Variants in RARB observed in about 807,000 individuals in gnomAD.
The protein encoded by RARB is HBV-activated protein.
RARB carries 17 observed loss-of-function variants against 51.9 expected under a neutral mutation model. The ratio of observed to expected loss-of-function variants is 0.33; its 90% CI spans 0.22 to 0.49. The LOEUF (loss-of-function observed/expected upper bound fraction) is 0.49, where lower values mean the gene tolerates loss of function less well. Ranked by LOEUF, RARB falls within the 20% of genes least tolerant of loss-of-function variation. The probability of loss-of-function intolerance (pLI) is 0.99; values close to 1 mark genes in which losing one functional copy is unlikely to be tolerated. For missense variants in RARB, 369 were observed against 550.8 expected (o/e 0.67, Z 3.30); for synonymous variants, 215 against 195.4 (o/e 1.10, Z -0.84).
At chr3:25,434,276 C>T (rs544387854) in intron 1 of RARB, among the ~76,000 whole-genome samples, 1 of 152,148 alleles carries the variant, frequency 6.6e-6, no homozygotes, top group African/African-American at 2.4e-5. Context: ...AAGCAGATTT[C>T]TTTGAAGAGA....
chr3:24,902,402 GT>G (rs111594275), intron 2 of RARB, among the ~76,000 whole-genome samples: 4 of 151,364 alleles, frequency 2.6e-5, no homozygotes, highest in Admixed American at 6.6e-5. Flanking sequence ...TTGACACCAG[GT>G]TTTTTTTTCC....
intron 2 of RARB, among the ~76,000 whole-genome samples, chr3:24,885,955 G>A (rs934536682): frequency 1.3e-5 from 2 of 152,038 alleles, no homozygotes; most frequent in African/African-American, 4.8e-5. Context: ...ATATTATACT[G>A]TACTTTATAG....
chr3:24,876,007 G>A (rs2885596), intron 2 of RARB, among the ~76,000 whole-genome samples: 137,066 of 152,186 alleles, frequency 0.9, 61,938 homozygotes, highest in East Asian at 1. Flanking sequence ...CTGTCCCTCC[G>A]TTTGGATCTA....
upstream of RARB, among the ~76,000 whole-genome samples, chr3:25,424,289 A>C (rs1234905794): frequency 6.6e-6 from 1 of 152,228 alleles, no homozygotes; most frequent in Non-Finnish European, 1.5e-5. Flanking sequence ...GAACATCAAC[A>C]GTCCTGTTAT....
At chr3:24,943,956 G>T (rs190975926) in intron 2 of RARB, among the ~76,000 whole-genome samples, 1 of 152,260 alleles carries the variant, frequency 6.6e-6, no homozygotes, top group Admixed American at 6.5e-5. Context: ...AAAGAAAAAT[G>T]GTTCCGATTC....
chr3:25,169,878 C>A (rs1700614439), intron 4 of RARB, among the ~76,000 whole-genome samples: 1 of 151,868 alleles, frequency 6.6e-6, no homozygotes, highest in Admixed American at 6.6e-5. Flanking sequence ...GTTCCAGCTA[C>A]TCTGGAGACT....
chr3:24,913,361 C>A (rs945474382), intron 2 of RARB, among the ~76,000 whole-genome samples: 13 of 147,810 alleles, frequency 8.8e-5, no homozygotes, highest in African/African-American at 2.7e-4. Flanking sequence ...AGACAACTTA[C>A]AAATGTATGA....
rs974071423 is a variant in RARB, at chr3:25,287,219, C to T, written c.178+112644C>T. Among the ~76,000 whole-genome samples the T allele has an allele frequency of 1.4e-4, 22 of 152,042 alleles. 1 individual carries two copies. Among genetic ancestry groups the T allele is most frequent in the Admixed American group, 1.3e-3 (20 of 15,278 alleles). ...TGGTGCTTGTCTTGAACTCTGGTGT[C>T]GCTCCCTTTCCAGCAGACACTACTG... On this transcript the variant is annotated intron_variant, in intron 5 of 11. Coordinates refer to the RARB transcript ENST00000383772.
intron 5 of RARB, among the ~76,000 whole-genome samples, chr3:25,228,734 C>T (rs1255047113): frequency 6.6e-6 from 1 of 152,000 alleles, no homozygotes; most frequent in Non-Finnish European, 1.5e-5. Context: ...TTTTTGTGTG[C>T]TAACCCTAGT....
intron 2 of RARB, among the ~76,000 whole-genome samples, chr3:25,026,889 A>G (rs1697760610): frequency 6.6e-6 from 1 of 152,272 alleles, no homozygotes; most frequent in African/African-American, 2.4e-5. Flanking sequence ...AAACAAAAAT[A>G]GTCTCAAGGG....
At chr3:25,232,630 G>T (rs1702205330) in intron 5 of RARB, among the ~76,000 whole-genome samples, 1 of 151,784 alleles carries the variant, frequency 6.6e-6, no homozygotes, top group Non-Finnish European at 1.5e-5. Flanking sequence ...ATTATAAATG[G>T]TACTTTTTAA....
chr3:25,429,784 C>T (rs1409011981), intron 1 of RARB, among the ~76,000 whole-genome samples: 1 of 152,236 alleles, frequency 6.6e-6, no homozygotes, highest in Non-Finnish European at 1.5e-5. Flanking sequence ...GAAAATCCCA[C>T]CTTCGGGTGG....
chr3:25,502,026 A>C (rs1697342448), intron 3 of RARB, among the ~76,000 whole-genome samples: 1 of 152,336 alleles, frequency 6.6e-6, no homozygotes, highest in East Asian at 1.9e-4. Flanking sequence ...GTAGGGAATA[A>C]GAAAGTATTA....
intron 5 of RARB, among the ~76,000 whole-genome samples, chr3:25,399,063 T>A (rs528525996): frequency 6.6e-6 from 1 of 152,298 alleles, no homozygotes; most frequent in South Asian, 2.1e-4. Flanking sequence ...CTTTTCACTC[T>A]ACCATCCTGG....
chr3:25,454,763 T>C (rs1694820805), intron 1 of RARB, among the ~76,000 whole-genome samples: 1 of 152,138 alleles, frequency 6.6e-6, no homozygotes, highest in African/African-American at 2.4e-5. Flanking sequence ...ATGCCAAGCA[T>C]GTAAGGAATT....
At chr3:24,944,835 G>A (rs1345551767) in intron 2 of RARB, among the ~76,000 whole-genome samples, 1 of 152,196 alleles carries the variant, frequency 6.6e-6, no homozygotes, top group Non-Finnish European at 1.5e-5. Context: ...TTACTTCAAT[G>A]ATAGAACATT....
intron 5 of RARB, among the ~76,000 whole-genome samples, chr3:25,215,771 T>A (rs987488072): frequency 1.3e-5 from 2 of 151,982 alleles, no homozygotes; most frequent in Non-Finnish European, 2.9e-5. Flanking sequence ...GTGGAAAAAA[T>A]AAGAGGCCAC....
intron 4 of RARB, among the ~76,000 whole-genome samples, chr3:25,138,336 T>TG (rs1462958646): frequency 1.0e-5 from 1 of 96,830 alleles, no homozygotes; most frequent in African/African-American, 4.5e-5. Context: ...TATAATTGAG[T>TG]TTTTTTTTTT....
chr3:24,906,083 C>T (rs986564737), intron 2 of RARB, among the ~76,000 whole-genome samples: 1 of 152,090 alleles, frequency 6.6e-6, no homozygotes, highest in Non-Finnish European at 1.5e-5. Context: ...AAAATTAGAA[C>T]AAAGGAATCA....
Sources: gnomAD v4.1 joint callset for allele counts (sites outside exome capture counted in the v4.1 genomes callset) on GRCh38, gnomAD v4.1.1 for gene constraint, MANE v1.5 for transcripts, NCBI Gene and HGNC (gene_info 2026-07-23, HGNC 2026-07-21) for gene names.